Variants in ADAMTS17 observed in about 807,000 individuals in gnomAD.
ADAMTS17 encodes ADAM metallopeptidase with thrombospondin type 1 motif 17, also known as A disintegrin and metalloproteinase with thrombospondin motifs 17.
In ADAMTS17, 113 loss-of-function variants were observed where a neutral mutation model predicts 141.5. The ratio of observed to expected loss-of-function variants is 0.80; its 90% CI spans 0.69 to 0.93. ADAMTS17 has a LOEUF of 0.93. Ranked by LOEUF, ADAMTS17 falls within the 40% of genes least tolerant of loss-of-function variation. The pLI is 0.00. For missense variants in ADAMTS17, 1,659 were observed against 1,517.9 expected (o/e 1.09, Z -1.54); for synonymous variants, 768 against 630.6 (o/e 1.22, Z -3.27).
intron 7 of ADAMTS17, among the ~76,000 whole-genome samples, chr15:100,239,141 G>A (rs2042750403): frequency 6.6e-6 from 1 of 152,230 alleles, no homozygotes; most frequent in Non-Finnish European, 1.5e-5. Context: ...AACCGCCTGG[G>A]GTCAGAGCCT....
intron 8 of ADAMTS17, among the ~76,000 whole-genome samples, chr15:100,169,057 C>A (rs533399928): frequency 4.6e-5 from 7 of 152,324 alleles, no homozygotes; most frequent in African/African-American, 1.7e-4. Context: ...CCACTGTGGG[C>A]TGTGTTCATC....
chr15:100,207,916 A>G (rs2041640816), intron 7 of ADAMTS17, among the ~76,000 whole-genome samples: 1 of 152,202 alleles, frequency 6.6e-6, no homozygotes, highest in South Asian at 2.1e-4. Context: ...AGGCCCTAGG[A>G]GATGTTCTAA....
At chr15:99,986,611 A>G (rs2060592066) in intron 20 of ADAMTS17, among the ~76,000 whole-genome samples, 2 of 152,200 alleles carry the variant, frequency 1.3e-5, no homozygotes. Context: ...ATAAGGGAAC[A>G]CTGTTCTCTT....
At chr15:100,142,803 G>A (rs1388586305) in intron 10 of ADAMTS17, among the ~76,000 whole-genome samples, 1 of 152,336 alleles carries the variant, frequency 6.6e-6, no homozygotes, top group East Asian at 1.9e-4. Flanking sequence ...AGAAACAATT[G>A]TCTAAGACCT....
intron 15 of ADAMTS17, among the ~76,000 whole-genome samples, chr15:100,056,373 AGGACTGCTTTTTG>A (rs2032567558): frequency 6.8e-6 from 1 of 147,748 alleles, no homozygotes; most frequent in South Asian, 2.2e-4. Context: ...AGCAGTCCCC[AGGACTGCTTTTTG>A]GGACTAGGGA....
chr15:100,152,827 C>CTTT (rs10664668), intron 9 of ADAMTS17, 65 bp from the exon 10 acceptor site: 33,095 of 1,372,784 alleles, frequency 0.024, 3 homozygotes, highest in Non-Finnish European at 0.028. Flanking sequence ...TTTTCTTTTT[C>CTTT]TTTTTTTTTT....
intron 7 of ADAMTS17, among the ~76,000 whole-genome samples, chr15:100,202,123 C>T (rs72755249): frequency 6.6e-6 from 1 of 152,176 alleles, no homozygotes; most frequent in African/African-American, 2.4e-5. Flanking sequence ...ACCACGGGCT[C>T]TGATGCAGAA....
rs377488626 is a variant in ADAMTS17 at position 100,319,477 on chromosome 15, G to A, written c.616+11412C>T. 2.6e-5 allele frequency among the ~76,000 whole-genome samples: 4 copies of A among 152,300 alleles called. No individual in the cohort carries two copies. In the South Asian group the frequency reaches 6.2e-4, roughly 24 times the overall value. On this transcript the variant is annotated intron_variant, in intron 3 of 21. Coordinates refer to ENST00000268070, the MANE Select transcript of ADAMTS17 (RefSeq NM_139057.4). ...TGTAATCCCAGCACTTAGGGAGGCC[G>A]ACGCAAGCAGATCTCAAGGTCAGGA...
rs542644523 is a variant in ADAMTS17, at chr15:100,131,091, A to G, written c.1721+916T>C. ...AGGGACATGGATGAAGCTGAAAAAC[A>G]TCATTCTCAGCAAACTAACACAGGA... On this transcript the variant is annotated intron_variant, in intron 12 of 21. Coordinates refer to ENST00000268070, the MANE Select transcript of ADAMTS17 (RefSeq NM_139057.4). 5.3e-5 allele frequency among the ~76,000 whole-genome samples: 8 copies of G among 152,292 alleles called. No homozygotes were observed. In the South Asian group the frequency reaches 1.5e-3, roughly 28 times the overall value.
At chr15:100,174,350 T>G (rs1331906202) in intron 8 of ADAMTS17, among the ~76,000 whole-genome samples, 1 of 151,758 alleles carries the variant, frequency 6.6e-6, no homozygotes, top group East Asian at 1.9e-4. Flanking sequence ...TGACAGGGAA[T>G]ATTCTAAGGA....
At chr15:100,030,940 G>C (rs1481229984) in intron 18 of ADAMTS17, among the ~76,000 whole-genome samples, 2 of 152,212 alleles carry the variant, frequency 1.3e-5, no homozygotes, top group East Asian at 1.9e-4. Context: ...GGGTCCAACA[G>C]CTGGCTGATG....
At chr15:100,199,481 G>A (rs181978745) in intron 7 of ADAMTS17, 58 bp from the exon 8 acceptor site, 55 of 1,434,642 alleles carry the variant, frequency 3.8e-5, no homozygotes, top group Admixed American at 3.5e-4. Flanking sequence ...TGGTCTCACC[G>A]GGCAAGTCCG....
At chr15:100,003,878 A>G (rs1418982940) in intron 18 of ADAMTS17, among the ~76,000 whole-genome samples, 1 of 152,170 alleles carries the variant, frequency 6.6e-6, no homozygotes, top group African/African-American at 2.4e-5. Flanking sequence ...GGGAATAGGG[A>G]GTGAGTGTTT....
chr15:100,329,949 C>T (rs1003467529), intron 3 of ADAMTS17, among the ~76,000 whole-genome samples: 5 of 152,212 alleles, frequency 3.3e-5, no homozygotes, highest in Admixed American at 6.5e-5. Flanking sequence ...CACCAGAATA[C>T]TAAACCAAGA....
In ADAMTS17 at chr15:100,208,397, T is replaced by C. The variant is rs189313663; in HGVS notation, c.1076-8974A>G. Among the ~76,000 whole-genome samples, 4 of 152,294 alleles carry C rather than the reference T, an allele frequency of 2.6e-5. No homozygotes were observed. The East Asian group carries it at 7.7e-4, about 29-fold the overall frequency. On this transcript the variant is annotated intron_variant, in intron 7 of 21. Coordinates refer to ENST00000268070, the MANE Select transcript of ADAMTS17 (RefSeq NM_139057.4). ...TACAAAAGCCAAGGAAGTGGGTACCTGTGCAGAGGGAAGGGGCTGTGGCTG... is the reference window on the plus strand; with the variant it reads ...TACAAAAGCCAAGGAAGTGGGTACCCGTGCAGAGGGAAGGGGCTGTGGCTG...
At chr15:100,228,065 C>A (rs1260477192) in intron 7 of ADAMTS17, among the ~76,000 whole-genome samples, 1 of 152,212 alleles carries the variant, frequency 6.6e-6, no homozygotes, top group Non-Finnish European at 1.5e-5. Context: ...TACAGCCCTG[C>A]CTTATTTCTC....
At chr15:100,081,542 G>A (rs1055920179) in intron 15 of ADAMTS17, among the ~76,000 whole-genome samples, 3 of 152,138 alleles carry the variant, frequency 2.0e-5, no homozygotes, top group Admixed American at 2.0e-4. Flanking sequence ...GCTTAGAAAA[G>A]AAACAATACT....
intron 7 of ADAMTS17, among the ~76,000 whole-genome samples, chr15:100,210,283 G>C (rs952380077): frequency 2.7e-5 from 4 of 149,942 alleles, no homozygotes; most frequent in African/African-American, 7.4e-5. Context: ...ACAGGGAGGG[G>C]TAAGTAATGA....
chr15:100,086,339 T>C (rs904327052), intron 15 of ADAMTS17, among the ~76,000 whole-genome samples: 7 of 150,558 alleles, frequency 4.6e-5, no homozygotes, highest in Non-Finnish European at 7.4e-5. Context: ...GCACCCAGAT[T>C]CATAAAGCAA....
Sources: gnomAD v4.1 joint callset for allele counts (sites outside exome capture counted in the v4.1 genomes callset) on GRCh38, gnomAD v4.1.1 for gene constraint, MANE v1.5 for transcripts, NCBI Gene and HGNC (gene_info 2026-07-23, HGNC 2026-07-21) for gene names.